Variants in PSMD1 observed in about 807,000 individuals in gnomAD.
PSMD1 encodes the protein proteasome 26S subunit, non-ATPase 1, also known as 26S proteasome non-ATPase regulatory subunit 1.
Under a neutral mutation model 119.0 loss-of-function variants are expected in PSMD1, and 18 were observed. That is an observed-to-expected ratio of 0.15 (90% CI 0.10 to 0.22). PSMD1 has a LOEUF of 0.22. Ranked by LOEUF, PSMD1 falls within the 10% of genes least tolerant of loss-of-function variation. The pLI is 1.00. For missense variants in PSMD1, 702 were observed against 1,158.5 expected, an observed-to-expected ratio of 0.61 and a Z score of 5.72; for synonymous variants, 374 against 396.6, an observed-to-expected ratio of 0.94 and a Z score of 0.68.
intron 17 of PSMD1, among the ~76,000 whole-genome samples, chr2:231,139,558 T>TAA (rs35924284): frequency 0.15 from 17,090 of 112,836 alleles, 1,299 homozygotes; most frequent in Non-Finnish European, 0.16. Context: ...ATTGATTTCT[T>TAA]AAAAAAAAAA....
chr2:231,081,841 A>G (rs1553560748), intron 12 of PSMD1, among the ~76,000 whole-genome samples: 1 of 152,132 alleles, frequency 6.6e-6, no homozygotes, highest in Non-Finnish European at 1.5e-5. Context: ...TCCATTAGAT[A>G]CCTTTTTCTC....
At chr2:231,145,082 C>G (rs1696221469) in intron 17 of PSMD1, among the ~76,000 whole-genome samples, 1 of 152,200 alleles carries the variant, frequency 6.6e-6, no homozygotes, top group Non-Finnish European at 1.5e-5. Context: ...CTATTCCATT[C>G]ACGTAGTTGT....
At chr2:231,105,373 T>C (rs1352294027) in intron 16 of PSMD1, among the ~76,000 whole-genome samples, 1 of 152,182 alleles carries the variant, frequency 6.6e-6, no homozygotes, top group Non-Finnish European at 1.5e-5. Flanking sequence ...TTATAACAAC[T>C]TATGCAGTAC....
At chr2:231,163,174 C>T (rs1185184392) in intron 20 of PSMD1, 1 of 152,434 alleles carries the variant, frequency 6.6e-6, no homozygotes, top group Non-Finnish European at 1.5e-5. Flanking sequence ...TAATGTGAAG[C>T]TGACTTTCTA....
chr2:231,123,528 A>G, intron 16 of PSMD1: 1 of 1,614,102 alleles, frequency 6.2e-7, no homozygotes, highest in Non-Finnish European at 8.5e-7. Flanking sequence ...TCTCCAGTGA[A>G]ACAGCCAGAA....
At chr2:231,141,758 GT>G (rs1696123308) in intron 17 of PSMD1, among the ~76,000 whole-genome samples, 1 of 152,078 alleles carries the variant, frequency 6.6e-6, no homozygotes, top group African/African-American at 2.4e-5. Flanking sequence ...TTAAAGCTTT[GT>G]TTGTTGCATG....
chr2:231,168,664 C>T (rs1038077826), intron 23 of PSMD1, among the ~76,000 whole-genome samples: 14 of 152,176 alleles, frequency 9.2e-5, no homozygotes, highest in Admixed American at 3.9e-4. Flanking sequence ...TGGAGAGTGG[C>T]TGCTACTGGG....
At position 231,165,227 on chromosome 2, in the gene PSMD1, GC is replaced by G; in HGVS notation, c.2511del (p.Lys838ArgfsTer55). On this transcript the variant is annotated frameshift_variant, in exon 22 of 25. Transcript: ENST00000308696. LOFTEE classifies it high-confidence loss of function. ...KVSTAVLSITAKAKKKEKEKE... is the reference protein window; with the variant it reads ...KVSTAVLSITXKAKKKEKEKE... ...TTCTACTGCTGTATTATCTATAACTGCCAAGGCTAAAAAGAAGGAAAAAGAA... is the reference window on the plus strand; with the variant it reads ...TTCTACTGCTGTATTATCTATAACTGCAAGGCTAAAAAGAAGGAAAAAGAA... 1 of 1,607,044 alleles carries G rather than the reference GC, an allele frequency of 6.2e-7. No homozygotes were observed. Among genetic ancestry groups the G allele is most frequent in the Non-Finnish European group, 8.5e-7 (1 of 1,175,686 alleles).
At chr2:231,143,226 T>G (rs1363651878) in intron 17 of PSMD1, among the ~76,000 whole-genome samples, 1 of 144,486 alleles carries the variant, frequency 6.9e-6, no homozygotes, top group East Asian at 1.9e-4. Context: ...TTGGTTTGGT[T>G]TGGTTTGGTT....
intron 19 of PSMD1, among the ~76,000 whole-genome samples, chr2:231,155,229 G>A (rs1176152693): frequency 6.6e-6 from 1 of 152,076 alleles, no homozygotes; most frequent in Non-Finnish European, 1.5e-5. Flanking sequence ...CTAGTATTAA[G>A]GGAGCATTTT....
At chr2:231,158,176 T>A (rs958751001) in intron 19 of PSMD1, among the ~76,000 whole-genome samples, 2 of 152,030 alleles carry the variant, frequency 1.3e-5, no homozygotes, top group Admixed American at 1.3e-4. Context: ...CTGGGCGTGG[T>A]GGTGCATGCC....
intron 17 of PSMD1, 167 bp downstream of exon 17, chr2:231,139,017 C>T: frequency 1.4e-6 from 1 of 702,030 alleles, no homozygotes. Flanking sequence ...TGCTGGATTG[C>T]CCAAAGCTGC....
chr2:231,171,769 C>T (rs940113867), intron 24 of PSMD1, among the ~76,000 whole-genome samples: 3 of 152,048 alleles, frequency 2.0e-5, no homozygotes, highest in South Asian at 4.1e-4. Context: ...TTGGTCAGGC[C>T]GGTCTCAAGT....
At chr2:231,153,358 AG>A in intron 18 of PSMD1, 1 of 529,472 alleles carries the variant, frequency 1.9e-6, no homozygotes, top group Non-Finnish European at 3.3e-6. Flanking sequence ...TTCAAGACAG[AG>A]CTGGTGCTCC....
chr2:231,152,816 G>C (rs2125259295), intron 18 of PSMD1, among the ~76,000 whole-genome samples: 1 of 152,140 alleles, frequency 6.6e-6, no homozygotes, highest in East Asian at 1.9e-4. Context: ...AGAAGTGTAA[G>C]ACATAGAAGA....
Position 231,081,304 on chromosome 2 carries a change from AAAAAC to A in PSMD1, c.1413+1010_1413+1014del, listed in dbSNP as rs549526790. Among the ~76,000 whole-genome samples, 413 of 152,256 alleles carry A rather than the reference AAAAAC, an allele frequency of 2.7e-3. 2 individuals are homozygous for A. Among genetic ancestry groups the A allele is most frequent in the African/African-American group, 7.1e-3 (294 of 41,528 alleles). On this transcript the variant is annotated intron_variant, in intron 12 of 24. Coordinates refer to ENST00000308696, the MANE Select transcript of PSMD1 (RefSeq NM_002807.4). ...TATCAGATAGGGTTTATGGTTACAA[AAAAAC>A]AAAACAAAACAAAACAAAAACAGCA...
At chr2:231,063,674 G>A (rs1044683559) in intron 4 of PSMD1, among the ~76,000 whole-genome samples, 3 of 152,176 alleles carry the variant, frequency 2.0e-5, no homozygotes, top group Admixed American at 6.5e-5. Flanking sequence ...TATTGCTGTT[G>A]GAGGCTCATT....
In PSMD1 at chr2:231,144,502, C is replaced by A. The variant is rs554384043; in HGVS notation, c.1999-1738C>A. Among the ~76,000 whole-genome samples the A allele has an allele frequency of 2.3e-5, 3 of 129,312 alleles. No homozygotes were observed. The East Asian group carries it at 7.5e-4, about 32-fold the overall frequency. The allele number at this position is 129,312 out of a possible 152,430, so 84.8% of individuals were successfully genotyped here. A position where few individuals can be genotyped will look rare whatever the true frequency, so the allele number is the denominator to read the frequency against. ...CCATGTTGGCCATGCTGATCACGAT[C>A]TCCTGACCTCAGATGATCCACCCTC... On this transcript the variant is annotated intron_variant, in intron 17 of 24. Transcript: ENST00000308696.
At chr2:231,062,709 G>T (rs375219528) in intron 4 of PSMD1, 34 bp downstream of exon 4, 18 of 1,479,758 alleles carry the variant, frequency 1.2e-5, no homozygotes, top group Non-Finnish European at 1.6e-5. Flanking sequence ...GCTTTATCTT[G>T]TCGGCTTCTT....
Sources: allele counts gnomAD v4.1 joint callset (sites outside exome capture counted in the v4.1 genomes callset), GRCh38; gene constraint gnomAD v4.1.1; transcripts MANE v1.5; gene names NCBI Gene and HGNC (gene_info 2026-07-23, HGNC 2026-07-21).